The following FBXL7 variants were observed in gnomAD, a reference collection of about 807,000 sequenced individuals.
FBXL7 encodes the protein F-box and leucine rich repeat protein 7.
In FBXL7, 12 loss-of-function variants were observed where a neutral mutation model predicts 38.3. The ratio of observed to expected loss-of-function variants is 0.31; its 90% confidence interval spans 0.20 to 0.51. The LOEUF is 0.51. Among genes scored for constraint, FBXL7 ranks in the 20% least tolerant of loss-of-function variants. FBXL7 has a pLI of 0.98. For missense variants in FBXL7, 567 were observed against 676.4 expected, an observed-to-expected ratio of 0.84 and a Z score of 1.79; for synonymous variants, 297 against 300.9, an observed-to-expected ratio of 0.99 and a Z score of 0.13.
chr5:15,569,926 C>T (rs1488963872), intron 1 of FBXL7, among the ~76,000 whole-genome samples: 1 of 152,268 alleles, frequency 6.6e-6, no homozygotes, highest in Admixed American at 6.5e-5. Flanking sequence ...AGCCTTGCAT[C>T]CCAGGGATGA....
At chr5:15,774,635 T>C (rs955684790) in intron 2 of FBXL7, among the ~76,000 whole-genome samples, 1 of 152,194 alleles carries the variant, frequency 6.6e-6, no homozygotes, top group Non-Finnish European at 1.5e-5. Flanking sequence ...GCTAAGGGTG[T>C]GCCACTTTAA....
At chr5:15,754,462 A>AT (rs1269140672) in intron 2 of FBXL7, among the ~76,000 whole-genome samples, 1 of 152,154 alleles carries the variant, frequency 6.6e-6, no homozygotes, top group East Asian at 1.9e-4. Context: ...CAAGCTGAGC[A>AT]TTTGGTTGGA....
intron 2 of FBXL7, among the ~76,000 whole-genome samples, chr5:15,755,306 T>G (rs1736267011): frequency 6.6e-6 from 1 of 152,192 alleles, no homozygotes; most frequent in Admixed American, 6.5e-5. Flanking sequence ...ATCCAAGAAC[T>G]TCTCTTATCA....
At chr5:15,748,374 T>G (rs923503439) in intron 2 of FBXL7, among the ~76,000 whole-genome samples, 1 of 152,220 alleles carries the variant, frequency 6.6e-6, no homozygotes, top group African/African-American at 2.4e-5. Flanking sequence ...CCCACCCACA[T>G]CTCACCTTGA....
chr5:15,924,920 C>T (rs1269943764), intron 2 of FBXL7, among the ~76,000 whole-genome samples: 1 of 152,182 alleles, frequency 6.6e-6, no homozygotes, highest in Non-Finnish European at 1.5e-5. Context: ...AGCCACTGTG[C>T]CTGCAAGGGG....
At chr5:15,658,258 T>C (rs548530739) in intron 2 of FBXL7, among the ~76,000 whole-genome samples, 22 of 152,322 alleles carry the variant, frequency 1.4e-4, no homozygotes, top group African/African-American at 5.0e-4. Flanking sequence ...TACTCTTTAA[T>C]ACATTTATTT....
rs111459941 is a variant in FBXL7 at position 15,503,835 on chromosome 5, C to T, written c.37+3122C>T. 6.4e-3 allele frequency among the ~76,000 whole-genome samples: 974 copies of T among 152,330 alleles called. 13 individuals are homozygous for T. Among genetic ancestry groups the T allele is most frequent in the African/African-American group, 0.022 (918 of 41,570 alleles). On this transcript the variant is annotated intron_variant, in intron 1 of 3. Coordinates refer to ENST00000504595, the MANE Select transcript of FBXL7 (RefSeq NM_012304.5). ...TATTTTACTTATTAATGACAGTTGA[C>T]ATCGCTGTGCAAATGTTTGTTGAAT...
At chr5:15,533,654 G>A (rs926476164) in intron 1 of FBXL7, among the ~76,000 whole-genome samples, 36 of 152,230 alleles carry the variant, frequency 2.4e-4, no homozygotes, top group African/African-American at 7.2e-4. Flanking sequence ...CAGTTCCTGC[G>A]GGCTCTGCTT....
chr5:15,523,352 A>C (rs644859), intron 1 of FBXL7, among the ~76,000 whole-genome samples: 1 of 152,066 alleles, frequency 6.6e-6, no homozygotes, highest in South Asian at 2.1e-4. Context: ...AGGTCAGGAG[A>C]TCGAGACCAT....
At chr5:15,695,027 A>G (rs1324752681) in intron 2 of FBXL7, among the ~76,000 whole-genome samples, 1 of 152,234 alleles carries the variant, frequency 6.6e-6, no homozygotes, top group African/African-American at 2.4e-5. Context: ...GACCTGCTCA[A>G]AAATAAACAA....
intron 1 of FBXL7, among the ~76,000 whole-genome samples, chr5:15,586,332 C>T (rs1213574749): frequency 7.0e-6 from 1 of 143,062 alleles, no homozygotes; most frequent in Non-Finnish European, 1.5e-5. Context: ...CCTCCCTCTC[C>T]ATCTCTCTCT....
intron 2 of FBXL7, among the ~76,000 whole-genome samples, chr5:15,718,186 G>T (rs991409497): frequency 1.3e-5 from 2 of 152,164 alleles, no homozygotes; most frequent in African/African-American, 4.8e-5. Flanking sequence ...ATATGTAAAT[G>T]AGGAGAGGGA....
intron 2 of FBXL7, among the ~76,000 whole-genome samples, chr5:15,736,113 G>A (rs1735741509): frequency 6.6e-6 from 1 of 152,152 alleles, no homozygotes; most frequent in African/African-American, 2.4e-5. Flanking sequence ...GATAATTTAT[G>A]TGAACTTTTG....
At chr5:15,627,078 G>A (rs1471403607) in intron 2 of FBXL7, among the ~76,000 whole-genome samples, 1 of 152,036 alleles carries the variant, frequency 6.6e-6, no homozygotes, top group Non-Finnish European at 1.5e-5. Context: ...CATGCACCCT[G>A]CTATGACTGA....
chr5:15,694,364 G>A (rs1743269483), intron 2 of FBXL7, among the ~76,000 whole-genome samples: 1 of 152,204 alleles, frequency 6.6e-6, no homozygotes. Context: ...TAACACCAGT[G>A]TTAATACAGA....
chr5:15,753,660 A>G (rs1736212696), intron 2 of FBXL7, among the ~76,000 whole-genome samples: 1 of 152,196 alleles, frequency 6.6e-6, no homozygotes, highest in Non-Finnish European at 1.5e-5. Flanking sequence ...TTATTGAAAA[A>G]TATTATTCAG....
intron 2 of FBXL7, among the ~76,000 whole-genome samples, chr5:15,620,419 T>G (rs4701634): frequency 9.3e-5 from 14 of 150,978 alleles, no homozygotes; most frequent in Non-Finnish European, 1.3e-4. Flanking sequence ...TTTTGTTTTT[T>G]TTTTTTTTTA....
intron 2 of FBXL7, among the ~76,000 whole-genome samples, chr5:15,806,715 C>G (rs1172807581): frequency 6.6e-6 from 1 of 152,108 alleles, no homozygotes; most frequent in African/African-American, 2.4e-5. Flanking sequence ...GATAGACTGG[C>G]CCAATCAGGG....
At chr5:15,839,322 A>G (rs1365631356) in intron 2 of FBXL7, among the ~76,000 whole-genome samples, 1 of 152,090 alleles carries the variant, frequency 6.6e-6, no homozygotes, top group Non-Finnish European at 1.5e-5. Context: ...CCTGACATCA[A>G]GGAGACACTC....
Sources: allele counts gnomAD v4.1 joint callset (sites outside exome capture counted in the v4.1 genomes callset), GRCh38; gene constraint gnomAD v4.1.1; transcripts MANE v1.5; gene names NCBI Gene and HGNC (gene_info 2026-07-23, HGNC 2026-07-21).